PLCD3: variants seen among roughly 807,000 people sequenced by gnomAD.
PLCD3 encodes phospholipase C delta 3.
Under a neutral mutation model 82.8 loss-of-function variants are expected in PLCD3, and 62 were observed. The ratio of observed to expected loss-of-function variants is 0.75; its 90% CI spans 0.61 to 0.93. PLCD3 has a LOEUF of 0.93. PLCD3 is among the 40% of genes least tolerant of loss of function. The probability of loss-of-function intolerance (pLI) is 0.00; values close to 1 mark genes in which losing one functional copy is unlikely to be tolerated. For missense variants in PLCD3, 1,023 were observed against 1,103.4 expected (o/e 0.93, Z 1.03); for synonymous variants, 478 against 471.8 (o/e 1.01, Z -0.17).
intron 1 of PLCD3, among the ~76,000 whole-genome samples, chr17:45,124,219 C>T (rs1047602716): frequency 2.6e-5 from 4 of 152,182 alleles, no homozygotes; most frequent in Non-Finnish European, 2.9e-5. Context: ...GGGGGTGAGT[C>T]ACCGGGGCCT....
chr17:45,126,869 A>C (rs886982318), intron 1 of PLCD3, among the ~76,000 whole-genome samples: 1 of 152,208 alleles, frequency 6.6e-6, no homozygotes, highest in Non-Finnish European at 1.5e-5. Flanking sequence ...TATGATGCCC[A>C]GGCTGGTCTC....
intron 1 of PLCD3, among the ~76,000 whole-genome samples, chr17:45,124,752 G>A (rs1029974821): frequency 3.3e-5 from 5 of 152,238 alleles, no homozygotes; most frequent in Admixed American, 6.5e-5. Flanking sequence ...TGCACAAGCC[G>A]CCCACCTCCT....
chr17:45,118,113 C>G lies in PLCD3; in HGVS notation c.1141G>C (p.Val381Leu), dbSNP rs756630758. 1 of 1,613,810 alleles carries G rather than the reference C, an allele frequency of 6.2e-7. No individual in the cohort carries two copies. The highest frequency in any genetic ancestry group is 8.5e-7 in the Non-Finnish European group (1 of 1,179,858). The change falls in exon 7 of 15, where the codon GTG becomes CTG. Residue 381 changes from valine to leucine, a missense_variant. Physicochemically the swap from Val to Leu is conservative, Grantham distance 32 (BLOSUM62 1). Around this residue, in one of 3 missense-constraint regions of PLCD3, gnomAD observed 553 missense variants for 655.7 expected, o/e 0.84. Transcript: ENST00000619929. The surrounding 1 kb of genome is among the most constrained non-coding windows in gnomAD (Gnocchi z 4.1). ...VRAFAQGCRC[V>L]ELDCWEGPGG... ...GGCCCCTCCCAGCAGTCCAGCTCCA[C>G]GCAGCGGCATCCCTGGGCAAAGGCC...
In PLCD3 at chr17:45,132,277, C is replaced by G. The variant is rs2054471534; in HGVS notation, c.134G>C (p.Arg45Thr). 1 of 1,274,320 alleles carries G rather than the reference C, an allele frequency of 7.8e-7. No individual in the cohort carries two copies. Among genetic ancestry groups the G allele is most frequent in the Non-Finnish European group, 9.9e-7 (1 of 1,009,632 alleles). 78.9% of individuals were successfully genotyped at this position (1,274,320 alleles called of 1,614,324 possible). Reference sequence around the variant, plus strand: ...CTTCTTCAGCGCCCGCAGCCCGGGCCTCTTGGTGCCGCCATCGGAGGGAGT... The same window carrying G: ...CTTCTTCAGCGCCCGCAGCCCGGGCGTCTTGGTGCCGCCATCGGAGGGAGT... ...PPTPSDGGTKRPGLRALKKMG... is the reference protein window; with the variant it reads ...PPTPSDGGTKTPGLRALKKMG... Residue 45 changes from arginine (R) to threonine (T), a missense_variant, in exon 1 of 15, where the codon AGG becomes ACG. Arg to Thr is a moderately conservative substitution (Grantham distance 71). Around this residue, in one of 3 missense-constraint regions of PLCD3, gnomAD observed 448 missense variants for 406.3 expected, o/e 1.10. Coordinates refer to ENST00000619929, the MANE Select transcript of PLCD3 (RefSeq NM_133373.5). This position sits in a 1 kb window ranked among gnomAD's most constrained non-coding sequence, Gnocchi z 4.6.
chr17:45,119,290 T>C (rs1240388666), intron 4 of PLCD3, among the ~76,000 whole-genome samples: 1 of 152,234 alleles, frequency 6.6e-6, no homozygotes, highest in Non-Finnish European at 1.5e-5. Flanking sequence ...CGCAGTGGCA[T>C]GATCATAGCT....
rs1882601515 is a variant in PLCD3 at position 45,121,339 on chromosome 17, A to G, written c.197T>C (p.Leu66Pro). The change falls in exon 2 of 15, where the codon CTG (leucine) becomes CCG (proline). Residue 66 changes from leucine to proline, a missense_variant. This residue lies in a region of PLCD3 where 448 missense variants were observed against 406.3 expected (regional missense o/e 1.10). Transcript: ENST00000619929. ...LTEDEDVRAM[L>P]RGSRLRKIRS... ...GATCTTGCGGAGCCGGGAGCCCCGC[A>G]GCATGGCGCGCACGTCCTCGTCCTC... The G allele has an allele frequency of 1.3e-6, 2 of 1,548,630 alleles. No individual in the cohort carries two copies. The highest frequency in any genetic ancestry group is 1.4e-5 in the African/African-American group (1 of 73,538).
intron 7 of PLCD3, among the ~76,000 whole-genome samples, chr17:45,117,654 ATGCAG>A (rs2054301424): frequency 6.6e-6 from 1 of 152,218 alleles, no homozygotes; most frequent in Non-Finnish European, 1.5e-5. Flanking sequence ...TGCAGTGTTT[ATGCAG>A]ATGCCACTGG....
chr17:45,123,633 C>T (rs1222680663), intron 1 of PLCD3, among the ~76,000 whole-genome samples: 1 of 152,196 alleles, frequency 6.6e-6, no homozygotes, highest in Admixed American at 6.5e-5. Flanking sequence ...GGGGAGGCTG[C>T]AGACACCACA....
In PLCD3 at chr17:45,112,648, G is replaced by T. The variant is rs1250544233; in HGVS notation, c.2338C>A (p.Leu780Ile). 1.2e-6 allele frequency: 2 copies of T among 1,606,868 alleles called. No individual in the cohort carries two copies. The highest frequency in any genetic ancestry group is 8.5e-7 in the Non-Finnish European group (1 of 1,177,006). The change falls in exon 15 of 15, where the codon CTC (leucine) becomes ATC (isoleucine). Residue 780 changes from leucine (L) to isoleucine (I), a missense_variant. Coordinates refer to ENST00000619929, the MANE Select transcript of PLCD3 (RefSeq NM_133373.5). ...KDGASLSPATLFIQIRIQRS is the reference protein window; with the variant it reads ...KDGASLSPATIFIQIRIQRS Reference sequence around the variant, plus strand: ...CGCTGGATGCGGATTTGGATGAAGAGCGTGGCTGGTGACAGTGAGGCCCCG... The same window carrying T: ...CGCTGGATGCGGATTTGGATGAAGATCGTGGCTGGTGACAGTGAGGCCCCG...
In PLCD3 at chr17:45,119,053, A is replaced by G. The variant is rs1440456084; in HGVS notation, c.685-10T>C. On this transcript the variant is annotated splice_polypyrimidine_tract_variant and intron_variant, in intron 4 of 14. Coordinates refer to ENST00000619929, the MANE Select transcript of PLCD3 (RefSeq NM_133373.5). ...TGGAGTGGTCACACTCCTGGGGAGC[A>G]GCAGGAGAAGCTCAGAGGAGGCAGA... 1 of 1,589,768 alleles carries G rather than the reference A, an allele frequency of 6.3e-7. No homozygotes were observed. Among genetic ancestry groups the G allele is most frequent in the Admixed American group, 1.7e-5 (1 of 57,380 alleles).
In PLCD3 at chr17:45,126,801, G is replaced by A. The variant is rs2054385144; in HGVS notation, c.164-5429C>T. ...AGCCTCCCGAGGAGCTGGGACTACA[G>A]ACTTGCACTACCAGGCCTGAATAAT... On this transcript the variant is annotated intron_variant, in intron 1 of 14. Coordinates refer to ENST00000619929, the MANE Select transcript of PLCD3 (RefSeq NM_133373.5). Among the ~76,000 whole-genome samples the A allele has an allele frequency of 2.6e-5, 4 of 151,986 alleles. No individual in the cohort carries two copies. In the South Asian group the frequency reaches 8.3e-4, roughly 32 times the overall value.
rs1398568727 is a variant in PLCD3 at position 45,109,186 on chromosome 17, T to C, written c.*3430A>G. The C allele has an allele frequency of 6.6e-6, 1 of 152,282 alleles. No individual in the cohort carries two copies. The highest frequency in any genetic ancestry group is 2.4e-5 in the African/African-American group (1 of 41,442). 9.4% of individuals were successfully genotyped at this position (152,282 alleles called of 1,614,324 possible). ...AGGCTGCCCTTCTTCCAGGGCAAAC[T>C]TGGTGTTGTCAGACCCTTCCCACCC... On this transcript the variant is annotated 3_prime_UTR_variant, in exon 15 of 15. Coordinates refer to ENST00000619929, the MANE Select transcript of PLCD3 (RefSeq NM_133373.5).
chr17:45,124,693 C>T (rs1010301624), intron 1 of PLCD3, among the ~76,000 whole-genome samples: 8 of 152,246 alleles, frequency 5.3e-5, no homozygotes, highest in Admixed American at 1.3e-4. Flanking sequence ...CTGCCAGGCC[C>T]AAGCCCACAG....
chr17:45,124,411 G>GC (rs1274428322), intron 1 of PLCD3, among the ~76,000 whole-genome samples: 6 of 152,240 alleles, frequency 3.9e-5, no homozygotes, highest in Admixed American at 2.6e-4. Flanking sequence ...AACTGGCACT[G>GC]CCCCCCAAAC....
At chr17:45,115,864 A>G (rs2054286793) in intron 8 of PLCD3, among the ~76,000 whole-genome samples, 2 of 152,248 alleles carry the variant, frequency 1.3e-5, no homozygotes, top group African/African-American at 4.8e-5. Context: ...ACACATATGT[A>G]CACAGGTAAT....
At chr17:45,121,522 C>T in intron 1 of PLCD3, 150 bp from the exon 2 acceptor site, 1 of 1,009,746 alleles carries the variant, frequency 9.9e-7, no homozygotes, top group Non-Finnish European at 1.4e-6. Context: ...CACAGGACTC[C>T]CCTCCTCCCC....
intron 1 of PLCD3, among the ~76,000 whole-genome samples, chr17:45,122,614 C>A (rs1266925912): frequency 6.6e-6 from 1 of 152,200 alleles, no homozygotes; most frequent in Non-Finnish European, 1.5e-5. Flanking sequence ...TGGCACTAAC[C>A]TGTCACTAAG....
chr17:45,114,175 G>A (rs2054270560), intron 11 of PLCD3, 75 bp downstream of exon 11: 4 of 1,104,118 alleles, frequency 3.6e-6, no homozygotes, highest in Middle Eastern at 4.1e-4. Flanking sequence ...GGAAGGCTGT[G>A]TGGGCCCCTC....
intron 1 of PLCD3, among the ~76,000 whole-genome samples, chr17:45,123,724 A>C (rs2054359397): frequency 6.6e-6 from 1 of 152,120 alleles, no homozygotes; most frequent in Non-Finnish European, 1.5e-5. Context: ...CATGACTGAA[A>C]ATCAGGGTCT....
Sources: gnomAD v4.1 joint callset for allele counts (sites outside exome capture counted in the v4.1 genomes callset) on GRCh38, gnomAD v4.1.1 for gene constraint, gnomAD v4.1.1 regional missense constraint, Gnocchi (gnomAD v3.1) non-coding constraint, MANE v1.5 for transcripts, NCBI Gene and HGNC (gene_info 2026-07-23, HGNC 2026-07-21) for gene names.